Variants in SLC8A1 observed in about 807,000 individuals in gnomAD.
SLC8A1 encodes sodium/calcium exchanger 1.
SLC8A1 carries 18 observed loss-of-function variants against 68.3 expected under a neutral mutation model. That is an observed-to-expected ratio of 0.26 (90% CI 0.18 to 0.39). The LOEUF is 0.39. SLC8A1 is among the 10% of genes least tolerant of loss of function. SLC8A1 has a pLI of 1.00. For synonymous variants in SLC8A1, 475 were observed against 415.5 expected (o/e 1.14, Z -1.74); for missense variants, 985 against 1,156.7 (o/e 0.85, Z 2.15).
chr2:40,398,501 AAAG>A (rs1687696685), intron 2 of SLC8A1, among the ~76,000 whole-genome samples: 1 of 152,224 alleles, frequency 6.6e-6, no homozygotes, highest in African/African-American at 2.4e-5. Flanking sequence ...GGATAAACAG[AAAG>A]AAGAAAATAA....
chr2:40,118,004 G>T (rs182888698), intron 7 of SLC8A1, among the ~76,000 whole-genome samples: 2 of 152,316 alleles, frequency 1.3e-5, no homozygotes, highest in East Asian at 3.9e-4. Flanking sequence ...CCCTCTGCCT[G>T]TGATGAAAAG....
At chr2:40,244,368 A>G (rs2061577471) in intron 2 of SLC8A1, among the ~76,000 whole-genome samples, 1 of 151,990 alleles carries the variant, frequency 6.6e-6, no homozygotes, top group Non-Finnish European at 1.5e-5. Context: ...TCCCAACAAC[A>G]CTAAGGTAAT....
chr2:40,438,757 T>G (rs1471314318), intron 1 of SLC8A1, among the ~76,000 whole-genome samples: 3 of 152,110 alleles, frequency 2.0e-5, no homozygotes, highest in Non-Finnish European at 4.4e-5. Flanking sequence ...AAAATGCAGT[T>G]AACAGGGCCC....
intron 2 of SLC8A1, among the ~76,000 whole-genome samples, chr2:40,334,062 C>A (rs560326706): frequency 1.7e-4 from 26 of 152,036 alleles, no homozygotes; most frequent in South Asian, 4.1e-4. Context: ...ACAACAACAA[C>A]AAAAAAACAA....
At chr2:40,180,219 T>G (rs2049225821) in intron 2 of SLC8A1, among the ~76,000 whole-genome samples, 1 of 86,164 alleles carries the variant, frequency 1.2e-5, no homozygotes, top group South Asian at 2.9e-4. Flanking sequence ...GAATTATTTT[T>G]TAAATTTGCA....
At chr2:40,329,741 G>C (rs142392755) in intron 2 of SLC8A1, among the ~76,000 whole-genome samples, 47 of 152,262 alleles carry the variant, frequency 3.1e-4, no homozygotes, top group African/African-American at 1.1e-3. Context: ...TAGGTTTAAA[G>C]TGAGAGCTTT....
chr2:40,440,425 G>T (rs1700248880), intron 1 of SLC8A1, among the ~76,000 whole-genome samples: 1 of 152,114 alleles, frequency 6.6e-6, no homozygotes, highest in African/African-American at 2.4e-5. Context: ...TGAAGCCTTT[G>T]CTAATGCAAC....
intron 2 of SLC8A1, among the ~76,000 whole-genome samples, chr2:40,426,061 T>C (rs1025531083): frequency 1.6e-4 from 25 of 152,098 alleles, no homozygotes; most frequent in Middle Eastern, 6.8e-3. Flanking sequence ...AACAAATCTG[T>C]ACAATCAACA....
intron 2 of SLC8A1, among the ~76,000 whole-genome samples, chr2:40,275,663 A>G (rs2066609614): frequency 6.6e-6 from 1 of 152,190 alleles, no homozygotes; most frequent in Non-Finnish European, 1.5e-5. Context: ...CTGGCTTTAA[A>G]ATGAAGGTCA....
exon 8 of SLC8A1, chr2:40,108,400 C>A (rs1374873927): frequency 6.6e-6 from 1 of 152,144 alleles, no homozygotes; most frequent in African/African-American, 2.4e-5. Flanking sequence ...GGATTTATTT[C>A]ACTTAAATAT....
At chr2:40,237,192 C>T (rs960903124) in intron 2 of SLC8A1, among the ~76,000 whole-genome samples, 1 of 152,216 alleles carries the variant, frequency 6.6e-6, no homozygotes, top group Admixed American at 6.5e-5. Flanking sequence ...TAATATCCTG[C>T]AGCTTGTTTT....
At position 40,275,391 on chromosome 2, in the gene SLC8A1, C is replaced by T. The variant is rs145378081; in HGVS notation, c.1809-97536G>A. On this transcript the variant is annotated intron_variant, in intron 2 of 7. Transcript: ENST00000406785. ...AGTTAGCTGTTAACTACAAGTGTCA[C>T]TTGAACCTTAAATGAGTATATTACT... Among the ~76,000 whole-genome samples, 866 of 152,336 alleles carry T rather than the reference C, an allele frequency of 5.7e-3. 9 individuals carry two copies. Among genetic ancestry groups the T allele is most frequent in the African/African-American group, 0.019 (807 of 41,576 alleles).
exon 8 of SLC8A1, chr2:40,103,197 C>T (rs1472865659): frequency 1.3e-5 from 2 of 152,128 alleles, no homozygotes; most frequent in Non-Finnish European, 2.9e-5. Flanking sequence ...TCCACTAAAA[C>T]ATTCTTTGTT....
intron 2 of SLC8A1, among the ~76,000 whole-genome samples, chr2:40,258,799 G>A (rs143080949): frequency 1.6e-3 from 245 of 151,892 alleles, no homozygotes; most frequent in South Asian, 7.1e-3. Context: ...GCAACATTGC[G>A]CCACTGCACA....
intron 6 of SLC8A1, among the ~76,000 whole-genome samples, chr2:40,145,445 G>C (rs12464866): frequency 6.6e-6 from 1 of 152,012 alleles, no homozygotes; most frequent in Non-Finnish European, 1.5e-5. Context: ...TATGTAAAGC[G>C]GTCTGGAAAA....
chr2:40,308,682 A>G (rs2073120416), intron 2 of SLC8A1, among the ~76,000 whole-genome samples: 1 of 152,116 alleles, frequency 6.6e-6, no homozygotes, highest in African/African-American at 2.4e-5. Flanking sequence ...AAACCTCTAA[A>G]GGTGTATTGG....
At chr2:40,157,183 G>C (rs1558559936) in intron 6 of SLC8A1, among the ~76,000 whole-genome samples, 1 of 152,128 alleles carries the variant, frequency 6.6e-6, no homozygotes, top group Non-Finnish European at 1.5e-5. Flanking sequence ...TTCTATAATA[G>C]AATTGCCTCC....
chr2:40,289,164 A>C (rs1342685850), intron 2 of SLC8A1, among the ~76,000 whole-genome samples: 3 of 152,100 alleles, frequency 2.0e-5, no homozygotes, highest in Non-Finnish European at 4.4e-5. Flanking sequence ...CTTTGGGGAA[A>C]GTAGAGGGAT....
intron 1 of SLC8A1, among the ~76,000 whole-genome samples, chr2:40,472,299 C>A (rs377641309): frequency 2.0e-5 from 3 of 152,080 alleles, no homozygotes; most frequent in Non-Finnish European, 4.4e-5. Flanking sequence ...TAAAATTGCC[C>A]CTTTTATAAG....
Sources: allele counts gnomAD v4.1 joint callset (sites outside exome capture counted in the v4.1 genomes callset), GRCh38; gene constraint gnomAD v4.1.1; transcripts MANE v1.5; gene names NCBI Gene and HGNC (gene_info 2026-07-23, HGNC 2026-07-21).